MIER1: variants seen among roughly 807,000 people sequenced by gnomAD.
The protein encoded by MIER1 is MIER1 transcriptional regulator.
In MIER1, 40 loss-of-function variants were observed where a neutral mutation model predicts 75.7. That is an observed-to-expected ratio of 0.53 (90% CI 0.41 to 0.69). The LOEUF is 0.69. Among genes scored for constraint, MIER1 ranks in the 30% least tolerant of loss-of-function variants. MIER1 has a pLI of 0.00. For synonymous variants in MIER1, 213 were observed against 223.4 expected, an observed-to-expected ratio of 0.95 and a Z score of 0.42; for missense variants, 574 against 680.2, an observed-to-expected ratio of 0.84 and a Z score of 1.74.
intron 2 of MIER1, among the ~76,000 whole-genome samples, chr1:66,928,194 A>G (rs1018739390): frequency 6.6e-6 from 1 of 152,106 alleles, no homozygotes; most frequent in African/African-American, 2.4e-5. Flanking sequence ...AAAACTAGTA[A>G]TATTGATACA....
At chr1:66,959,080 G>C (rs1660727051) in intron 6 of MIER1, 97 bp downstream of exon 6, 3 of 1,015,852 alleles carry the variant, frequency 3.0e-6, no homozygotes, top group Admixed American at 2.3e-5. Flanking sequence ...AATTCATTTA[G>C]TCTGAAATTC....
intron 9 of MIER1, among the ~76,000 whole-genome samples, chr1:66,971,216 C>G (rs1054034721): frequency 3.9e-5 from 6 of 152,072 alleles, no homozygotes; most frequent in African/African-American, 1.4e-4. Context: ...CTTTGGCTAT[C>G]CCTAAGAATC....
At chr1:66,939,925 C>G (rs1419774413) in intron 2 of MIER1, 103 bp from the exon 3 acceptor site, 3 of 858,986 alleles carry the variant, frequency 3.5e-6, no homozygotes, top group African/African-American at 3.4e-5. Context: ...TTAAAACTTA[C>G]TGTAGTTTTT....
chr1:66,976,666 C>T lies in MIER1; in HGVS notation c.1173C>T (p.Phe391=), dbSNP rs1224756097. Reference sequence around the variant, plus strand: ...GGAAAAAATCTGAACGTTATGATTTCTTTGCTCAGCAAACACGATTTGGAA... The same window carrying T: ...GGAAAAAATCTGAACGTTATGATTTTTTTGCTCAGCAAACACGATTTGGAA... ...YMWKKSERYD[F]FAQQTRFGKK... The change falls in exon 12 of 14, where the codon TTC becomes TTT. Residue 391 remains phenylalanine, a synonymous_variant. Coordinates refer to ENST00000401041, the MANE Select transcript of MIER1 (RefSeq NM_001077700.3). 10 of 1,606,840 alleles carry T rather than the reference C, an allele frequency of 6.2e-6. No homozygotes were observed. Among genetic ancestry groups the T allele is most frequent in the African/African-American group, 1.3e-5 (1 of 74,634 alleles).
At chr1:66,937,759 A>G (rs1655261030) in intron 2 of MIER1, among the ~76,000 whole-genome samples, 1 of 152,222 alleles carries the variant, frequency 6.6e-6, no homozygotes, top group South Asian at 2.1e-4. Flanking sequence ...TTAGCTATAC[A>G]AAGTAATGTT....
chr1:66,967,202 C>T (rs1411766603), intron 8 of MIER1, among the ~76,000 whole-genome samples: 3 of 152,146 alleles, frequency 2.0e-5, no homozygotes, highest in Non-Finnish European at 2.9e-5. Flanking sequence ...ATATAGGGGT[C>T]TAGTTCCATT....
rs915214985 is a variant in MIER1, at chr1:66,987,240, A to G, written c.*2340A>G. On this transcript the variant is annotated 3_prime_UTR_variant, in exon 14 of 14. Coordinates refer to ENST00000401041, the MANE Select transcript of MIER1 (RefSeq NM_001077700.3). Reference sequence around the variant, plus strand: ...ATAATTTGTTCTTAATGCAGCCACTATAACTTGATAAGTCATTGCACTATT... The same window carrying G: ...ATAATTTGTTCTTAATGCAGCCACTGTAACTTGATAAGTCATTGCACTATT... 1.3e-5 allele frequency: 2 copies of G among 152,880 alleles called. No individual in the cohort carries two copies. Among genetic ancestry groups the G allele is most frequent in the African/African-American group, 2.4e-5 (1 of 41,596 alleles). The allele number at this position is 152,880 out of a possible 1,614,324, so 9.5% of individuals were successfully genotyped here.
intron 8 of MIER1, among the ~76,000 whole-genome samples, chr1:66,969,655 ATTC>A (rs1558093980): frequency 6.8e-6 from 1 of 147,164 alleles, no homozygotes; most frequent in Non-Finnish European, 1.5e-5. Context: ...GCTGTTAGTT[ATTC>A]TTTGTCTCTT....
chr1:66,952,957 G>A (rs1558057982), intron 4 of MIER1, among the ~76,000 whole-genome samples: 1 of 152,160 alleles, frequency 6.6e-6, no homozygotes, highest in South Asian at 2.1e-4. Flanking sequence ...TGTCTTTTCA[G>A]ACCAACTTTC....
At chr1:66,982,602 A>C (rs1336688242) in intron 13 of MIER1, among the ~76,000 whole-genome samples, 1 of 152,204 alleles carries the variant, frequency 6.6e-6, no homozygotes, top group Non-Finnish European at 1.5e-5. Context: ...TTCCAAGAAG[A>C]AAGTAATAAG....
Position 66,971,690 on chromosome 1 carries a change from A to C in MIER1, c.960A>C (p.Thr320=). 2 of 1,518,598 alleles carry C rather than the reference A, an allele frequency of 1.3e-6. No individual in the cohort carries two copies. Among genetic ancestry groups the C allele is most frequent in the African/African-American group, 1.4e-5 (1 of 72,336 alleles). 94.1% of individuals were successfully genotyped at this position (1,518,598 alleles called of 1,614,324 possible). The part of the protein sequence containing the change: ...LYELVKCNFD[T]EEALRRLRFN... ...AATTGGTTAAATGCAATTTTGATAC[A>C]GAAGAAGCATTGAGAAGATTAAGAT... Residue 320 remains threonine, a synonymous_variant, in exon 10 of 14, where the codon ACA becomes ACC. Transcript: ENST00000401041.
Position 66,959,039 on chromosome 1 carries a change from C to T in MIER1, c.634+56C>T, listed in dbSNP as rs923347123. ...ATAATTTTTACTATTTTAGGTATTACCTAAAATCCTCTTTTTTAAACTGGT... is the reference window on the plus strand; with the variant it reads ...ATAATTTTTACTATTTTAGGTATTATCTAAAATCCTCTTTTTTAAACTGGT... On this transcript the variant is annotated intron_variant, in intron 6 of 13. Transcript: ENST00000401041. 1.5e-5 allele frequency: 21 copies of T among 1,429,024 alleles called. No homozygotes were observed. In the Admixed American group the frequency reaches 2.2e-4, roughly 15 times the overall value. 88.5% of individuals were successfully genotyped at this position (1,429,024 alleles called of 1,614,324 possible). A position where few individuals can be genotyped will look rare whatever the true frequency, so the allele number is the denominator to read the frequency against.
Position 66,985,702 on chromosome 1 carries a change from C to T in MIER1, c.*802C>T, listed in dbSNP as rs1483888969. On this transcript the variant is annotated 3_prime_UTR_variant, in exon 14 of 14. Transcript: ENST00000401041. Reference sequence around the variant, plus strand: ...AGAGGAATTGTTATTCTGAGTCTGTCAGCTTTCATTTTATTTTGCTAAGGT... The same window carrying T: ...AGAGGAATTGTTATTCTGAGTCTGTTAGCTTTCATTTTATTTTGCTAAGGT... 3 of 984,578 alleles carry T rather than the reference C, an allele frequency of 3.0e-6. No individual in the cohort carries two copies. The highest frequency in any genetic ancestry group is 1.8e-5 in the African/African-American group (1 of 57,110). The allele number at this position is 984,578 out of a possible 1,614,324, so 61.0% of individuals were successfully genotyped here.
chr1:66,929,401 T>A (rs138692629), intron 2 of MIER1, among the ~76,000 whole-genome samples: 11 of 152,380 alleles, frequency 7.2e-5, no homozygotes, highest in Non-Finnish European at 1.6e-4. Context: ...TGTTATTCAG[T>A]ATGTGCCTTA....
intron 13 of MIER1, 37 bp from the exon 14 acceptor site, chr1:66,984,535 T>C: frequency 6.8e-7 from 1 of 1,476,260 alleles, no homozygotes; most frequent in Non-Finnish European, 9.1e-7. Context: ...TTAACTTTTT[T>C]CTAATTGTGG....
intron 7 of MIER1, among the ~76,000 whole-genome samples, chr1:66,962,358 GCTTTATACAAAC>G (rs1387732858): frequency 6.6e-6 from 1 of 152,112 alleles, no homozygotes; most frequent in Non-Finnish European, 1.5e-5. Flanking sequence ...CCCCTACTGA[GCTTTATACAAAC>G]CCTTTTTGTT....
rs1466984468 is a variant in MIER1, at chr1:66,981,992, T to C, written c.1369+74T>C. The stretch of plus-strand genomic sequence containing the variant: ...TCTTGCAGTGACTTGGGAAATTCCG[T>C]TTGGGTTTCTATTAAACTTCCAGAG... On this transcript the variant is annotated intron_variant, in intron 13 of 13. Transcript: ENST00000401041. The C allele has an allele frequency of 4.6e-6, 7 of 1,522,558 alleles. No individual in the cohort carries two copies. The East Asian group carries it at 1.6e-4, about 34-fold the overall frequency. The allele number at this position is 1,522,558 out of a possible 1,614,324, so 94.3% of individuals were successfully genotyped here.
chr1:66,973,101 A>G lies in MIER1; in HGVS notation c.1101+110A>G, dbSNP rs745977822. The G allele has an allele frequency of 1.1e-5, 7 of 611,654 alleles. No individual in the cohort carries two copies. In the East Asian group the frequency reaches 1.8e-4, roughly 16 times the overall value. 37.9% of individuals were successfully genotyped at this position (611,654 alleles called of 1,614,324 possible). Reference sequence around the variant, plus strand: ...TAGTGTTAAAGGTTTCATAATTAATATGACAATATTTTGGTATTTAGTGAG... The same window carrying G: ...TAGTGTTAAAGGTTTCATAATTAATGTGACAATATTTTGGTATTTAGTGAG... On this transcript the variant is annotated intron_variant, in intron 11 of 13. Coordinates refer to ENST00000401041, the MANE Select transcript of MIER1 (RefSeq NM_001077700.3).
intron 12 of MIER1, among the ~76,000 whole-genome samples, chr1:66,981,535 T>C (rs1379317888): frequency 6.6e-6 from 1 of 152,218 alleles, no homozygotes; most frequent in Non-Finnish European, 1.5e-5. Flanking sequence ...TTACAAGCTT[T>C]AAAATTTCCT....
Sources: gnomAD v4.1 joint callset for allele counts (sites outside exome capture counted in the v4.1 genomes callset) on GRCh38, gnomAD v4.1.1 for gene constraint, MANE v1.5 for transcripts, NCBI Gene and HGNC (gene_info 2026-07-23, HGNC 2026-07-21) for gene names.